The following EDARADD variants were observed in gnomAD, a reference collection of about 807,000 sequenced individuals.
EDARADD encodes the protein ectodysplasin-A receptor-associated adapter protein.
In EDARADD, 20 loss-of-function variants were observed where a neutral mutation model predicts 25.6. That is an observed-to-expected ratio of 0.78 (90% CI 0.55 to 1.14). The LOEUF is 1.14. Ranked by LOEUF, EDARADD falls within the 50% of genes most tolerant of loss-of-function variation. The pLI, the probability that EDARADD is intolerant of heterozygous loss-of-function variation, is 0.00. For synonymous variants in EDARADD, 86 were observed against 94.4 expected, an observed-to-expected ratio of 0.91 and a Z score of 0.52; for missense variants, 225 against 270.1, an observed-to-expected ratio of 0.83 and a Z score of 1.17.
At chr1:236,415,686 C>A (rs1657617176) in intron 3 of EDARADD, among the ~76,000 whole-genome samples, 1 of 152,156 alleles carries the variant, frequency 6.6e-6, no homozygotes, top group South Asian at 2.1e-4. Flanking sequence ...CTCAGATGAT[C>A]CACCTGCCTT....
intron 1 of EDARADD, among the ~76,000 whole-genome samples, chr1:236,405,874 C>CTTCCTTCTTTCTTTCTTTCTTTCTTTCT (rs56931070): frequency 9.7e-5 from 3 of 30,916 alleles, no homozygotes; most frequent in Non-Finnish European, 1.2e-4. Flanking sequence ...TCCTTCCTTC[C>CTTCCTTCTTTCTTTCTTTCTTTCTTTCT]TTCTTTCTTT....
chr1:236,416,922 G>T lies in EDARADD; in HGVS notation c.160+2623G>T, dbSNP rs142004984. On this transcript the variant is annotated intron_variant, in intron 3 of 5. Transcript: ENST00000334232. ...ACTCCAGGAGTTCAAGACCAGCCTG[G>T]GCAACATGGCGAAACCCCATCTCTA... 1.0e-2 allele frequency among the ~76,000 whole-genome samples: 1,515 copies of T among 152,142 alleles called. 25 individuals are homozygous for T. The highest frequency in any genetic ancestry group is 0.034 in the African/African-American group (1,406 of 41,500).
chr1:236,429,969 A>G (rs1354702319), intron 4 of EDARADD, among the ~76,000 whole-genome samples: 1 of 152,244 alleles, frequency 6.6e-6, no homozygotes, highest in African/African-American at 2.4e-5. Context: ...GTTAATTTGT[A>G]ACAAGTTTTG....
chr1:236,458,490 A>C (rs71642848), intron 4 of EDARADD, among the ~76,000 whole-genome samples: 17,885 of 152,184 alleles, frequency 0.12, 1,274 homozygotes, highest in Non-Finnish European at 0.15. Flanking sequence ...CCTAGATTGT[A>C]ACCAGTAACA....
At chr1:236,407,938 T>G (rs994553049) in intron 1 of EDARADD, among the ~76,000 whole-genome samples, 1 of 152,168 alleles carries the variant, frequency 6.6e-6, no homozygotes, top group Non-Finnish European at 1.5e-5. Context: ...AAACTATGGT[T>G]TTTTCTTTAT....
intron 1 of EDARADD, among the ~76,000 whole-genome samples, chr1:236,406,383 T>A (rs1206227449): frequency 6.6e-6 from 1 of 152,156 alleles, no homozygotes; most frequent in Non-Finnish European, 1.5e-5. Context: ...GGATACACTG[T>A]GAGACATGCA....
intron 1 of EDARADD, among the ~76,000 whole-genome samples, chr1:236,394,714 G>C (rs1667483347): frequency 6.6e-6 from 1 of 152,186 alleles, no homozygotes; most frequent in South Asian, 2.1e-4. Context: ...TAAAATGCCT[G>C]TCGCCTTCCT....
intron 3 of EDARADD, among the ~76,000 whole-genome samples, chr1:236,417,962 C>CTTT (rs60224366): frequency 0.5 from 69,813 of 139,170 alleles, 17,976 homozygotes; most frequent in Non-Finnish European, 0.59. Context: ...TTCTTTTTTT[C>CTTT]TTTTTTTTTG....
rs572428884 is a variant in EDARADD at position 236,475,276 on chromosome 1, T to C, written c.266-6991T>C. ...GCATTACCCAGTTTAACCTTTCATG[T>C]ATAATATATATGATAGTTATTTAAA... is the stretch of plus-strand genomic sequence containing the variant. On this transcript the variant is annotated intron_variant, in intron 5 of 5. Coordinates refer to ENST00000334232, the MANE Select transcript of EDARADD (RefSeq NM_145861.4). Among the ~76,000 whole-genome samples the C allele has an allele frequency of 2.0e-5, 3 of 152,374 alleles. No individual in the cohort carries two copies. The South Asian group carries it at 6.2e-4, about 32-fold the overall frequency.
At chr1:236,421,560 C>A (rs1657786164) in intron 3 of EDARADD, among the ~76,000 whole-genome samples, 1 of 138,778 alleles carries the variant, frequency 7.2e-6, no homozygotes, top group Non-Finnish European at 1.5e-5. Flanking sequence ...TGCAGTGGCT[C>A]AATCTCGGCT....
intron 3 of EDARADD, among the ~76,000 whole-genome samples, chr1:236,351,390 C>G (rs1666914157): frequency 6.6e-6 from 1 of 152,038 alleles, no homozygotes. Flanking sequence ...TGGCCGGTGT[C>G]CAGGCTCTTG....
intron 4 of EDARADD, among the ~76,000 whole-genome samples, chr1:236,445,651 AG>A (rs1658517557): frequency 6.6e-6 from 1 of 152,218 alleles, no homozygotes; most frequent in Non-Finnish European, 1.5e-5. Context: ...TGGAGGAAGA[AG>A]AAGATTAAAT....
At chr1:236,442,944 G>T (rs752187305) in intron 4 of EDARADD, among the ~76,000 whole-genome samples, 3 of 152,200 alleles carry the variant, frequency 2.0e-5, no homozygotes, top group Non-Finnish European at 4.4e-5. Context: ...CCTTTAAGAG[G>T]TGATTGGTTC....
chr1:236,478,444 TATG>T (rs944414243), intron 5 of EDARADD, among the ~76,000 whole-genome samples: 8 of 150,258 alleles, frequency 5.3e-5, no homozygotes, highest in East Asian at 3.9e-4. Context: ...GATATATAAA[TATG>T]ATATATATAT....
chr1:236,405,226 C>G (rs1297877934), intron 1 of EDARADD, among the ~76,000 whole-genome samples: 2 of 152,206 alleles, frequency 1.3e-5, no homozygotes, highest in African/African-American at 2.4e-5. Flanking sequence ...AACCTAAATT[C>G]TCTGTGTCTT....
rs569950412 is a variant in EDARADD, at chr1:236,373,208, C to A, written c.-6+22369C>A. ...GGGATTACAGGCGTGAGCCACCATG[C>A]CCAGCCTTCTTTTTTGAGACAGAGT... On this transcript the variant is annotated intron_variant, in intron 3 of 7. Transcript: ENST00000439430. Among the ~76,000 whole-genome samples the A allele has an allele frequency of 7.5e-4, 110 of 147,190 alleles. 1 individual carries two copies. Among genetic ancestry groups the A allele is most frequent in the African/African-American group, 2.8e-3 (109 of 39,622 alleles).
At chr1:236,433,511 A>G (rs996812744) in intron 4 of EDARADD, among the ~76,000 whole-genome samples, 7 of 150,228 alleles carry the variant, frequency 4.7e-5, no homozygotes, top group African/African-American at 1.7e-4. Flanking sequence ...GGGTTTCACC[A>G]TGTTGGCCAG....
In EDARADD at chr1:236,483,295, A is replaced by C; in HGVS notation, c.*646A>C. 6.2e-7 allele frequency: 1 copy of C among 1,600,278 alleles called. No homozygotes were observed. Among genetic ancestry groups the C allele is most frequent in the Non-Finnish European group, 8.5e-7 (1 of 1,169,972 alleles). On this transcript the variant is annotated 3_prime_UTR_variant, in exon 6 of 6. Transcript: ENST00000334232. ...CCCAGTGGTGCTTCAACTGGTATCT[A>C]TGAGGTCCTAGAGCTCCAGGACAAT...
chr1:236,385,089 C>CTTTTTTTTTTT (rs34509027), intron 3 of EDARADD, among the ~76,000 whole-genome samples: 15 of 121,936 alleles, frequency 1.2e-4, no homozygotes, highest in African/African-American at 1.7e-4. Flanking sequence ...CCTTTTGATT[C>CTTTTTTTTTTT]TTTTTTTTTT....
Sources: allele counts gnomAD v4.1 joint callset (sites outside exome capture counted in the v4.1 genomes callset), GRCh38; gene constraint gnomAD v4.1.1; transcripts MANE v1.5; gene names NCBI Gene and HGNC (gene_info 2026-07-23, HGNC 2026-07-21).